The following SMC6 variants were observed in gnomAD, a reference collection of about 807,000 sequenced individuals.
SMC6 encodes structural maintenance of chromosomes protein 6.
SMC6 carries 79 observed loss-of-function variants against 142.2 expected under a neutral mutation model. The ratio of observed to expected loss-of-function variants is 0.56; its 90% CI spans 0.46 to 0.67. SMC6 has a LOEUF of 0.67. Among genes scored for constraint, SMC6 ranks in the 30% least tolerant of loss-of-function variants. SMC6 has a pLI of 0.00. For synonymous variants in SMC6, 411 were observed against 412.4 expected, an observed-to-expected ratio of 1.00 and a Z score of 0.04; for missense variants, 1,072 against 1,284.0, an observed-to-expected ratio of 0.83 and a Z score of 2.52.
chr2:17,685,744 T>C (rs1667427209), intron 23 of SMC6, among the ~76,000 whole-genome samples: 1 of 152,126 alleles, frequency 6.6e-6, no homozygotes, highest in Admixed American at 6.5e-5. Flanking sequence ...AAAAGCATTT[T>C]AACTATGACC....
intron 25 of SMC6, among the ~76,000 whole-genome samples, chr2:17,674,907 T>C (rs1388800543): frequency 6.6e-6 from 1 of 152,092 alleles, no homozygotes; most frequent in African/African-American, 2.4e-5. Flanking sequence ...GTCCTTATGT[T>C]AATATTTAAG....
intron 19 of SMC6, among the ~76,000 whole-genome samples, chr2:17,702,630 T>C (rs1341267853): frequency 2.0e-5 from 3 of 152,214 alleles, no homozygotes; most frequent in Non-Finnish European, 4.4e-5. Context: ...GAATTTAAGT[T>C]CCCATAATCC....
intron 18 of SMC6, among the ~76,000 whole-genome samples, chr2:17,704,156 T>C (rs1668397332): frequency 6.6e-6 from 1 of 151,286 alleles, no homozygotes; most frequent in Non-Finnish European, 1.5e-5. Flanking sequence ...GGACACTAGA[T>C]TATATATCCA....
chr2:17,736,614 C>A (rs1449357536), intron 5 of SMC6, among the ~76,000 whole-genome samples: 1 of 151,914 alleles, frequency 6.6e-6, no homozygotes, highest in Admixed American at 6.6e-5. Flanking sequence ...GTGGCTCACA[C>A]CTGTAATTCC....
chr2:17,677,263 C>G (rs1029000865), intron 25 of SMC6, among the ~76,000 whole-genome samples: 1 of 152,132 alleles, frequency 6.6e-6, no homozygotes, highest in Non-Finnish European at 1.5e-5. Context: ...TATGATAGGG[C>G]TCACAGTCAA....
intron 23 of SMC6, among the ~76,000 whole-genome samples, chr2:17,687,989 C>T (rs960622202): frequency 5.3e-5 from 8 of 151,858 alleles, no homozygotes; most frequent in African/African-American, 1.9e-4. Flanking sequence ...TAAATATTAA[C>T]GTTGTTGAGA....
intron 3 of SMC6, among the ~76,000 whole-genome samples, chr2:17,742,231 G>C (rs182408322): frequency 4.5e-4 from 68 of 152,280 alleles, no homozygotes; most frequent in Non-Finnish European, 2.1e-4. Context: ...GAATACCTCT[G>C]AAAGATGACG....
intron 18 of SMC6, among the ~76,000 whole-genome samples, chr2:17,704,341 C>T (rs927710662): frequency 1.9e-4 from 29 of 152,196 alleles, no homozygotes; most frequent in African/African-American, 7.0e-4. Flanking sequence ...GGTGAATAAA[C>T]GCAACAAATG....
chr2:17,725,074 A>T (rs1175679486), intron 9 of SMC6, among the ~76,000 whole-genome samples, 183 bp downstream of exon 9: 3 of 152,204 alleles, frequency 2.0e-5, no homozygotes, highest in Non-Finnish European at 4.4e-5. Flanking sequence ...ATTACAAAAT[A>T]AAAAAGTAAT....
At position 17,708,743 on chromosome 2, in the gene SMC6, G is replaced by GA. The variant is rs781105579; in HGVS notation, c.1740dup (p.His581SerfsTer15). The GA allele has an allele frequency of 6.5e-7, 1 of 1,529,548 alleles. No homozygotes were observed. The highest frequency in any genetic ancestry group is 8.8e-7 in the Non-Finnish European group (1 of 1,136,338). 94.7% of individuals were successfully genotyped at this position (1,529,548 alleles called of 1,614,324 possible). A position where few individuals can be genotyped will look rare whatever the true frequency, so the allele number is the denominator to read the frequency against. On this transcript the variant is annotated frameshift_variant, in exon 17 of 28. Transcript: ENST00000448223. LOFTEE classifies it high-confidence loss of function. Reference sequence around the variant, plus strand: ...GTCAGAACTGTTGGAAAGTCTGGATGATAAGCAGCTCTAGGAGACAAAAAT... The same window carrying GA: ...GTCAGAACTGTTGGAAAGTCTGGATGAATAAGCAGCTCTAGGAGACAAAAAT...
At chr2:17,739,448 C>G (rs1449519487) in intron 4 of SMC6, among the ~76,000 whole-genome samples, 4 of 152,018 alleles carry the variant, frequency 2.6e-5, no homozygotes, top group Non-Finnish European at 4.4e-5. Context: ...GGTTCGAGAC[C>G]AGTCTGGCCA....
At chr2:17,753,415 C>A (rs1671193713) in intron 1 of SMC6, among the ~76,000 whole-genome samples, 1 of 72,926 alleles carries the variant, frequency 1.4e-5, no homozygotes, top group Admixed American at 1.1e-4. Context: ...ACCGGTGCCG[C>A]CTCGGAGAGC....
intron 23 of SMC6, among the ~76,000 whole-genome samples, chr2:17,684,884 G>A (rs1404271483): frequency 6.6e-6 from 1 of 151,896 alleles, no homozygotes; most frequent in African/African-American, 2.4e-5. Flanking sequence ...TACCAGGAAG[G>A]AATACCTCAA....
chr2:17,719,030 G>A (rs1669243039), intron 11 of SMC6, among the ~76,000 whole-genome samples: 1 of 152,096 alleles, frequency 6.6e-6, no homozygotes, highest in South Asian at 2.1e-4. Flanking sequence ...TGGCAATAGG[G>A]ACTGATTAGA....
rs775743859 is a variant in SMC6, at chr2:17,700,239, T to A, written c.2363A>T (p.Asn788Ile). 6.2e-6 allele frequency: 10 copies of A among 1,608,046 alleles called. No homozygotes were observed. The highest frequency in any genetic ancestry group is 7.6e-6 in the Non-Finnish European group (9 of 1,177,346). Residue 788 changes from asparagine to isoleucine, a missense_variant, in exon 21 of 28, where the codon AAT (asparagine) becomes ATT (isoleucine). Physicochemically the swap from Asn to Ile is moderately radical, Grantham distance 149 (BLOSUM62 -3). This residue lies in a region of SMC6 where 994 missense variants were observed against 1,153.2 expected (regional missense o/e 0.86). Transcript: ENST00000448223. ...NKYDAIKFKI[N>I]QLSELADPLK... Reference sequence around the variant, plus strand: ...TGGGTCTGCTAGCTCCGATAGTTGATTAATTTTGAATTTAATTGCATCATA... The same window carrying A: ...TGGGTCTGCTAGCTCCGATAGTTGAATAATTTTGAATTTAATTGCATCATA...
intron 12 of SMC6, 102 bp downstream of exon 12, chr2:17,717,975 G>T: frequency 8.2e-7 from 1 of 1,226,750 alleles, no homozygotes; most frequent in Non-Finnish European, 1.1e-6. Flanking sequence ...GACAGAGCAA[G>T]ACTATTTCAA....
rs116355719 is a variant in SMC6, at chr2:17,708,589, T to C, written c.1845+50A>G. 5,673 of 980,714 alleles carry C rather than the reference T, an allele frequency of 5.8e-3. 238 individuals are homozygous for C. In the African/African-American group the frequency reaches 0.084, roughly 15 times the overall value. 60.8% of individuals were successfully genotyped at this position (980,714 alleles called of 1,614,324 possible). On this transcript the variant is annotated intron_variant, in intron 17 of 27. Transcript: ENST00000448223. ...GGAATTTATATAATTATCTTCAGTT[T>C]TAAAAATTTAACAATAACATCAAAT...
intron 15 of SMC6, 61 bp from the exon 16 acceptor site, chr2:17,715,126 C>T (rs1214689282): frequency 2.2e-5 from 31 of 1,404,890 alleles, no homozygotes; most frequent in Non-Finnish European, 2.4e-5. Context: ...TATTAACATC[C>T]TCCTCTTTAA....
chr2:17,679,274 C>A (rs1011165543), intron 24 of SMC6: 5 of 209,210 alleles, frequency 2.4e-5, no homozygotes, highest in Non-Finnish European at 3.8e-5. Flanking sequence ...ATCAGTCATT[C>A]AACTAATTAA....
Sources: gnomAD v4.1 joint callset for allele counts (sites outside exome capture counted in the v4.1 genomes callset) on GRCh38, gnomAD v4.1.1 for gene constraint, gnomAD v4.1.1 regional missense constraint, MANE v1.5 for transcripts, NCBI Gene and HGNC (gene_info 2026-07-23, HGNC 2026-07-21) for gene names.